ZNF521: variants seen among roughly 807,000 people sequenced by gnomAD.
ZNF521 encodes LYST-interacting protein 3.
A neutral mutation model predicts 105.5 loss-of-function variants in ZNF521; 14 were observed. The observed-to-expected ratio is 0.13, with a 90% CI of 0.09 to 0.21. The LOEUF (loss-of-function observed/expected upper bound fraction) is 0.21. Among genes scored for constraint, ZNF521 ranks in the 10% least tolerant of loss-of-function variants. The probability of loss-of-function intolerance (pLI) is 1.00; values close to 1 mark genes in which losing one functional copy is unlikely to be tolerated. For synonymous variants in ZNF521, 635 were observed against 606.0 expected (o/e 1.05, Z -0.70); for missense variants, 1,233 against 1,629.7 (o/e 0.76, Z 4.19).
chr18:25,120,355 G>T (rs542125815), intron 5 of ZNF521, among the ~76,000 whole-genome samples: 1 of 152,218 alleles, frequency 6.6e-6, no homozygotes, highest in Admixed American at 6.5e-5. Context: ...GGCCAAGGTG[G>T]GCAGATCACC....
intron 3 of ZNF521, among the ~76,000 whole-genome samples, chr18:25,229,036 G>C (rs186033877): frequency 5.3e-5 from 8 of 152,174 alleles, no homozygotes; most frequent in Non-Finnish European, 7.3e-5. Context: ...AGCATTATTA[G>C]AATATTCTAA....
chr18:25,117,881 T>C lies in ZNF521; in HGVS notation c.3659-25800A>G, dbSNP rs2034359842. 2.0e-5 allele frequency among the ~76,000 whole-genome samples: 3 copies of C among 152,154 alleles called. 1 individual carries two copies. In the South Asian group the frequency reaches 6.2e-4, roughly 32 times the overall value. Reference sequence around the variant, plus strand: ...TAGTGAAAGATACAACTCTACAGACTCATGAATCTCGCAAACTCCAAGAAG... The same window carrying C: ...TAGTGAAAGATACAACTCTACAGACCCATGAATCTCGCAAACTCCAAGAAG... On this transcript the variant is annotated intron_variant, in intron 5 of 7. Transcript: ENST00000361524.
At chr18:25,139,178 G>A (rs567314400) in intron 5 of ZNF521, among the ~76,000 whole-genome samples, 3 of 151,774 alleles carry the variant, frequency 2.0e-5, no homozygotes, top group African/African-American at 7.2e-5. Flanking sequence ...AGACCAGCCT[G>A]GCCAACATGG....
intron 5 of ZNF521, among the ~76,000 whole-genome samples, chr18:25,165,418 C>A (rs772302863): frequency 3.9e-5 from 6 of 152,206 alleles, no homozygotes; most frequent in African/African-American, 1.2e-4. Context: ...ACACTGTTTG[C>A]GCTGTTGGAA....
intron 6 of ZNF521, among the ~76,000 whole-genome samples, chr18:25,090,927 G>T (rs1010209272): frequency 6.6e-6 from 1 of 152,136 alleles, no homozygotes; most frequent in African/African-American, 2.4e-5. Context: ...CCAAAAGAAG[G>T]ATGGAGAGTG....
rs59178760 is a variant in ZNF521, at chr18:25,212,509, C to CAAAAAAA, written c.3573+11829_3573+11835dup. Among the ~76,000 whole-genome samples, 24 of 21,698 alleles carry CAAAAAAA rather than the reference C, an allele frequency of 1.1e-3. 5 individuals carry two copies. Among genetic ancestry groups the CAAAAAAA allele is most frequent in the African/African-American group, 1.8e-3 (9 of 5,084 alleles). The allele number at this position is 21,698 out of a possible 152,430, so 14.2% of individuals were successfully genotyped here. A position where few individuals can be genotyped will look rare whatever the true frequency, so the allele number is the denominator to read the frequency against. On this transcript the variant is annotated intron_variant, in intron 4 of 7. Transcript: ENST00000361524. ...TGGGCAAAAGAGTGAGACTTAGTCT[C>CAAAAAAA]AAAAAAAAAAAAAAAAAAAAAAAAA...
At chr18:25,306,227 T>C (rs957165397) in intron 3 of ZNF521, among the ~76,000 whole-genome samples, 1 of 139,300 alleles carries the variant, frequency 7.2e-6, no homozygotes, top group African/African-American at 2.5e-5. Context: ...TTACATTGAT[T>C]TTTTTTAAGC....
At chr18:25,174,435 A>C (rs909342518) in intron 5 of ZNF521, among the ~76,000 whole-genome samples, 16 of 152,190 alleles carry the variant, frequency 1.1e-4, no homozygotes, top group African/African-American at 3.9e-4. Context: ...TCTACTCATA[A>C]GGGGACCCAG....
chr18:25,177,665 T>C (rs931373637), intron 5 of ZNF521, among the ~76,000 whole-genome samples: 6 of 152,148 alleles, frequency 3.9e-5, no homozygotes, highest in Non-Finnish European at 7.4e-5. Context: ...AGCTTATATA[T>C]ACTACATGAC....
chr18:25,350,343 G>T (rs984060214), intron 2 of ZNF521, among the ~76,000 whole-genome samples: 1 of 152,002 alleles, frequency 6.6e-6, no homozygotes, highest in Non-Finnish European at 1.5e-5. Context: ...GGCGGCCGGG[G>T]TCTGTTTACT....
chr18:25,257,643 G>T (rs1372688414), intron 3 of ZNF521, among the ~76,000 whole-genome samples: 1 of 152,114 alleles, frequency 6.6e-6, no homozygotes, highest in Non-Finnish European at 1.5e-5. Context: ...AAAGGCAATA[G>T]GAAAACAGAA....
intron 4 of ZNF521, among the ~76,000 whole-genome samples, chr18:25,209,960 T>C (rs1402791477): frequency 6.6e-6 from 1 of 152,200 alleles, no homozygotes; most frequent in Non-Finnish European, 1.5e-5. Flanking sequence ...ATCAACTTTG[T>C]GGAAATATGA....
At chr18:25,324,761 C>T (rs1004087880) in intron 2 of ZNF521, among the ~76,000 whole-genome samples, 8 of 152,150 alleles carry the variant, frequency 5.3e-5, no homozygotes, top group Admixed American at 3.9e-4. Context: ...ATGATAAAAA[C>T]TCACTTTCCT....
At chr18:25,217,063 G>T (rs1600166692) in intron 4 of ZNF521, among the ~76,000 whole-genome samples, 1 of 152,264 alleles carries the variant, frequency 6.6e-6, no homozygotes, top group South Asian at 2.1e-4. Flanking sequence ...CCAGAAGGAA[G>T]TGAGAATAGC....
intron 3 of ZNF521, among the ~76,000 whole-genome samples, chr18:25,274,362 T>C (rs1347948142): frequency 6.6e-6 from 1 of 152,214 alleles, no homozygotes. Context: ...TTCTAACTTC[T>C]GGATCTGATG....
rs149743695 is a variant in ZNF521 at position 25,156,964 on chromosome 18, C to T, written c.3658+38196G>A. ...CTGTAATCCCAGAACTTTAAGAGGC[C>T]GAGGCGGGCAGATCACTTGAGGCCA... On this transcript the variant is annotated intron_variant, in intron 5 of 7. Transcript: ENST00000361524. 1.9e-3 allele frequency among the ~76,000 whole-genome samples: 296 copies of T among 152,064 alleles called. 3 individuals carry two copies. The highest frequency in any genetic ancestry group is 6.1e-3 in the African/African-American group (254 of 41,478).
At chr18:25,113,800 G>T (rs568613006) in intron 5 of ZNF521, among the ~76,000 whole-genome samples, 1 of 44,674 alleles carries the variant, frequency 2.2e-5, no homozygotes, top group Non-Finnish European at 4.8e-5. Context: ...ACACAGAGAC[G>T]GGGGAGAGAG....
At chr18:25,319,023 G>T (rs1381638308) in intron 3 of ZNF521, among the ~76,000 whole-genome samples, 1 of 151,876 alleles carries the variant, frequency 6.6e-6, no homozygotes, top group Non-Finnish European at 1.5e-5. Flanking sequence ...AGACCATGAT[G>T]ATTCTGGAGC....
chr18:25,166,789 C>T (rs62083897), intron 5 of ZNF521, among the ~76,000 whole-genome samples: 39,223 of 151,930 alleles, frequency 0.26, 5,755 homozygotes, highest in Non-Finnish European at 0.34. Flanking sequence ...TATAAGACAG[C>T]GCCACATATT....
Sources: gnomAD v4.1 joint callset for allele counts (sites outside exome capture counted in the v4.1 genomes callset) on GRCh38, gnomAD v4.1.1 for gene constraint, MANE v1.5 for transcripts, NCBI Gene and HGNC (gene_info 2026-07-23, HGNC 2026-07-21) for gene names.